The following IFT22 variants were observed in gnomAD, a reference collection of about 807,000 sequenced individuals.
The protein encoded by IFT22 is intraflagellar transport protein 22 homolog.
A neutral mutation model predicts 21.0 loss-of-function variants in IFT22; 13 were observed. That is an observed-to-expected ratio of 0.62 (90% CI 0.40 to 0.98). The LOEUF (loss-of-function observed/expected upper bound fraction) is 0.98. Ranked by LOEUF, IFT22 falls within the 50% of genes least tolerant of loss-of-function variation. IFT22 has a pLI of 0.00. For missense variants in IFT22, 227 were observed against 228.9 expected, an observed-to-expected ratio of 0.99 and a Z score of 0.06; for synonymous variants, 67 against 82.4, an observed-to-expected ratio of 0.81 and a Z score of 1.01.
intron 4 of IFT22, 114 bp downstream of exon 4, chr7:101,316,226 G>T: frequency 1.0e-6 from 1 of 967,672 alleles, no homozygotes; most frequent in Non-Finnish European, 1.6e-6. Context: ...ATTGCCTAGG[G>T]TACAGTAGGT....
In IFT22 at chr7:101,319,641, C is replaced by CTT. The variant is rs11443697; in HGVS notation, c.40-611_40-610dup. Reference sequence around the variant, plus strand: ...TCGATTATATGAGTAATACACATTGCTTTTTTTTTTTTTTTTTTTTGAGAC... The same window carrying CTT: ...TCGATTATATGAGTAATACACATTGCTTTTTTTTTTTTTTTTTTTTTTGAGAC... On this transcript the variant is annotated intron_variant, in intron 1 of 4. Coordinates refer to ENST00000315322, the MANE Select transcript of IFT22 (RefSeq NM_022777.4). 0.012 allele frequency among the ~76,000 whole-genome samples: 1,374 copies of CTT among 111,716 alleles called. 72 individuals carry two copies. In the East Asian group the frequency reaches 0.12, roughly 10 times the overall value. The allele number at this position is 111,716 out of a possible 152,430, so 73.3% of individuals were successfully genotyped here. A position where few individuals can be genotyped will look rare whatever the true frequency, so the allele number is the denominator to read the frequency against.
chr7:101,317,756 G>GC (rs1790203733), intron 3 of IFT22, among the ~76,000 whole-genome samples: 1 of 151,824 alleles, frequency 6.6e-6, no homozygotes. Context: ...CAGCTCTGTC[G>GC]CCCAGGCTGG....
Position 101,312,211 on chromosome 7 carries a change from TGG to T in IFT22, c.*2921_*2922del, listed in dbSNP as rs753155994. Among the ~76,000 whole-genome samples, 1 of 152,180 alleles carries T rather than the reference TGG, an allele frequency of 6.6e-6. No individual in the cohort carries two copies. Among genetic ancestry groups the T allele is most frequent in the East Asian group, 1.9e-4 (1 of 5,166 alleles). On this transcript the variant is annotated 3_prime_UTR_variant, in exon 5 of 5. Transcript: ENST00000315322. ...TCAAGGACAGGAGTTCGAGATCAGC[TGG>T]GGCAACATGGCAAAACCCCATCTCT... is the stretch of plus-strand genomic sequence containing the variant.
In IFT22 at chr7:101,315,116, G is replaced by C. The variant is rs756320486; in HGVS notation, c.*18C>G. 1 of 1,610,328 alleles carries C rather than the reference G, an allele frequency of 6.2e-7. No homozygotes were observed. Among genetic ancestry groups the C allele is most frequent in the Admixed American group, 1.7e-5 (1 of 59,778 alleles). On this transcript the variant is annotated 3_prime_UTR_variant, in exon 5 of 5. Transcript: ENST00000315322. ...TGCTGATTTCACTGGGGATGTGGCA[G>C]TCCCAGGTGAAGGCTGGCTAGGTCA...
chr7:101,318,148 A>T lies in IFT22; in HGVS notation c.182T>A (p.Leu61Gln), dbSNP rs1790217432. 1 of 1,613,446 alleles carries T rather than the reference A, an allele frequency of 6.2e-7. No individual in the cohort carries two copies. The highest frequency in any genetic ancestry group is 8.5e-7 in the Non-Finnish European group (1 of 1,179,530). The change falls in exon 3 of 5, where the codon CTA becomes CAA. Residue 61 changes from leucine to glutamine, a missense_variant. Physicochemically the swap from Leu to Gln is moderately radical, Grantham distance 113. Coordinates refer to ENST00000315322, the MANE Select transcript of IFT22 (RefSeq NM_022777.4). ...NNKGTGCEFE[L>Q]WDCGGDAKFE... ...CTTAGCATCGCCACCACAGTCCCAT[A>T]GCTCGAATTCACAGCCCGTGCCTTT...
chr7:101,316,048 G>T (rs1323648772), intron 4 of IFT22: 15 of 267,248 alleles, frequency 5.6e-5, no homozygotes, highest in Non-Finnish European at 8.5e-5. Flanking sequence ...ACACAAACTG[G>T]AGTGTAGTGG....
rs1340386023 is a variant in IFT22 at position 101,314,401 on chromosome 7, C to T, written c.*733G>A. ...CGATCTCCTGACCTCATGATCCGCC[C>T]ACCTTGGCCTCCCAAAGTGCTGGGA... On this transcript the variant is annotated 3_prime_UTR_variant, in exon 5 of 5. Transcript: ENST00000315322. 1.3e-5 allele frequency: 2 copies of T among 148,942 alleles called. No individual in the cohort carries two copies. The allele number at this position is 148,942 out of a possible 1,614,324, so 9.2% of individuals were successfully genotyped here.
At chr7:101,318,545 C>A in intron 2 of IFT22, 1 of 276,464 alleles carries the variant, frequency 3.6e-6, no homozygotes, top group South Asian at 5.2e-5. Context: ...ACAGTAGCAG[C>A]ACCAATAATG....
At chr7:101,316,641 A>G in intron 3 of IFT22, 99 bp from the exon 4 acceptor site, 2 of 1,260,338 alleles carry the variant, frequency 1.6e-6, no homozygotes, top group South Asian at 2.8e-5. Context: ...TTGGTCTATG[A>G]CGGCTGGGCG....
chr7:101,317,197 C>T (rs868864129), intron 3 of IFT22, among the ~76,000 whole-genome samples: 18 of 152,010 alleles, frequency 1.2e-4, no homozygotes, highest in African/African-American at 4.3e-4. Flanking sequence ...CTGGCTCTGT[C>T]GCCCAGGCTT....
chr7:101,314,982 C>T lies in IFT22; in HGVS notation c.*152G>A, dbSNP rs184390500. The stretch of plus-strand genomic sequence containing the variant: ...GCAGAGCACAGATGGTCTGAGTGAA[C>T]GCCCTGTGTGACAGGTGCCTTCCTG... On this transcript the variant is annotated 3_prime_UTR_variant, in exon 5 of 5. Transcript: ENST00000315322. 1.4e-3 allele frequency: 1,008 copies of T among 746,218 alleles called. 6 individuals carry two copies. Among genetic ancestry groups the T allele is most frequent in the South Asian group, 6.9e-3 (361 of 52,104 alleles). 46.2% of individuals were successfully genotyped at this position (746,218 alleles called of 1,614,324 possible).
rs897638919 is a variant in IFT22 at position 101,312,578 on chromosome 7, G to A, written c.*2556C>T. ...TGTGACGGAGTCTCGCTATGTTGCC[G>A]AGGCTGGAGAGCAGTGGCGCGATCT... is the stretch of plus-strand genomic sequence containing the variant. On this transcript the variant is annotated 3_prime_UTR_variant, in exon 5 of 5. Coordinates refer to ENST00000315322, the MANE Select transcript of IFT22 (RefSeq NM_022777.4). Among the ~76,000 whole-genome samples, 3 of 119,806 alleles carry A rather than the reference G, an allele frequency of 2.5e-5. No homozygotes were observed. The highest frequency in any genetic ancestry group is 6.4e-5 in the African/African-American group (2 of 31,218). The allele number at this position is 119,806 out of a possible 152,430, so 78.6% of individuals were successfully genotyped here.
At chr7:101,318,516 T>TC (rs949851068) in intron 2 of IFT22, 112 of 264,992 alleles carry the variant, frequency 4.2e-4, no homozygotes, top group Middle Eastern at 1.3e-3. Flanking sequence ...CGAGACTCCA[T>TC]CCCAAAAAAA....
rs1255023638 is a variant in IFT22 at position 101,310,985 on chromosome 7, GTTAA to G, written c.*4145_*4148del. 3 of 279,858 alleles carry G rather than the reference GTTAA, an allele frequency of 1.1e-5. No homozygotes were observed. Among genetic ancestry groups the G allele is most frequent in the Non-Finnish European group, 1.4e-5 (2 of 140,844 alleles). 17.3% of individuals were successfully genotyped at this position (279,858 alleles called of 1,614,324 possible). On this transcript the variant is annotated 3_prime_UTR_variant, in exon 5 of 5. Coordinates refer to ENST00000315322, the MANE Select transcript of IFT22 (RefSeq NM_022777.4). ...CATTCAGGTGAACAAAATCTGCTGG[GTTAA>G]TTTTTTTTTTTTTTTTTTTTTTGAG...
At chr7:101,320,793 A>G (rs1790320099) in intron 1 of IFT22, among the ~76,000 whole-genome samples, 1 of 152,084 alleles carries the variant, frequency 6.6e-6, no homozygotes, top group African/African-American at 2.4e-5. Context: ...GTTTGAGCCC[A>G]AGAGTTGGAG....
intron 2 of IFT22, chr7:101,318,554 T>G: frequency 3.7e-6 from 1 of 270,426 alleles, no homozygotes; most frequent in Non-Finnish European, 7.1e-6. Flanking sequence ...GCACCAATAA[T>G]GAGGCTGCAT....
intron 1 of IFT22, 120 bp from the exon 2 acceptor site, chr7:101,319,152 G>T: frequency 1.2e-6 from 1 of 858,288 alleles, no homozygotes; most frequent in Admixed American, 2.0e-5. Context: ...GGCACCCTGA[G>T]ATCACTGGGG....
chr7:101,311,948 C>T lies in IFT22; in HGVS notation c.*3186G>A, dbSNP rs1464700041. 6.6e-6 allele frequency among the ~76,000 whole-genome samples: 1 copy of T among 152,082 alleles called. No homozygotes were observed. Among genetic ancestry groups the T allele is most frequent in the East Asian group, 1.9e-4 (1 of 5,202 alleles). ...AGTTGAACCCGGAGGGTGGAGATTG[C>T]AGTGAGACTCTCAAAAAAACAAAAC... On this transcript the variant is annotated 3_prime_UTR_variant, in exon 5 of 5. Coordinates refer to ENST00000315322, the MANE Select transcript of IFT22 (RefSeq NM_022777.4).
chr7:101,319,169 C>G (rs551547489), intron 1 of IFT22, 137 bp from the exon 2 acceptor site: 3 of 741,650 alleles, frequency 4.0e-6, no homozygotes, highest in East Asian at 5.6e-5. Context: ...GGGGTGGTTA[C>G]GACCTCACTG....
Sources: allele counts gnomAD v4.1 joint callset (sites outside exome capture counted in the v4.1 genomes callset), GRCh38; gene constraint gnomAD v4.1.1; transcripts MANE v1.5; gene names NCBI Gene and HGNC (gene_info 2026-07-23, HGNC 2026-07-21).